The following CACNA1B variants were observed in gnomAD, a reference collection of about 807,000 sequenced individuals.
CACNA1B encodes voltage-dependent N-type calcium channel subunit alpha-1B.
Under a neutral mutation model 247.2 loss-of-function variants are expected in CACNA1B, and 70 were observed. The observed-to-expected ratio is 0.28, with a 90% CI of 0.23 to 0.35. The LOEUF (loss-of-function observed/expected upper bound fraction) is 0.35. CACNA1B is among the 10% of genes least tolerant of loss of function. CACNA1B has a pLI of 1.00. For synonymous variants in CACNA1B, 1,231 were observed against 1,294.4 expected (o/e 0.95, Z 1.05); for missense variants, 2,367 against 3,197.4 (o/e 0.74, Z 6.26).
At chr9:138,060,345 G>T (rs1344344117) in intron 31 of CACNA1B, among the ~76,000 whole-genome samples, 1 of 152,160 alleles carries the variant, frequency 6.6e-6, no homozygotes, top group South Asian at 2.1e-4. Flanking sequence ...AGAAGCAGAC[G>T]CAGACACGAG....
chr9:137,924,416 A>T (rs1166220928), intron 6 of CACNA1B, among the ~76,000 whole-genome samples: 1 of 146,376 alleles, frequency 6.8e-6, no homozygotes, highest in African/African-American at 2.6e-5. Context: ...TGTAGCTCCA[A>T]CACCCCTTGT....
Position 137,984,188 on chromosome 9 carries a change from A to G in CACNA1B, c.1707A>G (p.Gly569=), listed in dbSNP as rs1313870645. 2 of 1,605,614 alleles carry G rather than the reference A, an allele frequency of 1.2e-6. No individual in the cohort carries two copies. The highest frequency in any genetic ancestry group is 1.7e-6 in the Non-Finnish European group (2 of 1,176,450). ...TGGTCTGGGCGGCCATCAAGCCGGGAAGCTCCTTTGGGATCAGTGTGCTGC... is the reference window on the plus strand; with the variant it reads ...TGGTCTGGGCGGCCATCAAGCCGGGGAGCTCCTTTGGGATCAGTGTGCTGC... ...FEVVWAAIKP[G]SSFGISVLRA... is the part of the protein sequence containing the mutation. Residue 569 remains glycine (G), a synonymous_variant, in exon 13 of 47, where the codon GGA becomes GGG. Transcript: ENST00000371372.
chr9:137,928,919 G>A (rs1162838315), intron 6 of CACNA1B, among the ~76,000 whole-genome samples: 2 of 152,118 alleles, frequency 1.3e-5, no homozygotes, highest in Non-Finnish European at 2.9e-5. Flanking sequence ...GATGAAGCAA[G>A]TATTGGTATT....
intron 3 of CACNA1B, among the ~76,000 whole-genome samples, chr9:137,886,059 T>G (rs1957006207): frequency 6.6e-6 from 1 of 151,556 alleles, no homozygotes; most frequent in East Asian, 2.0e-4. Flanking sequence ...CTCTGCCTCC[T>G]TTCCAGGAGG....
At chr9:137,929,626 G>A (rs1331538590) in intron 6 of CACNA1B, among the ~76,000 whole-genome samples, 1 of 152,126 alleles carries the variant, frequency 6.6e-6, no homozygotes, top group African/African-American at 2.4e-5. Context: ...TGGTATTTCT[G>A]TTCAGTTTTG....
chr9:137,914,488 CTCT>C lies in CACNA1B; in HGVS notation c.623-165_623-163del, dbSNP rs1957390225. On this transcript the variant is annotated intron_variant, in intron 4 of 46. Transcript: ENST00000371372. The surrounding 1 kb of genome is among the most constrained non-coding windows in gnomAD (Gnocchi z 4.3). Reference sequence around the variant, plus strand: ...TGCCCTACACAAGCACTCTCTGCCCCTCTGCGCCTTAAGGGGCTTCAGCTCTAT... The same window carrying C: ...TGCCCTACACAAGCACTCTCTGCCCCGCGCCTTAAGGGGCTTCAGCTCTAT... Among the ~76,000 whole-genome samples the C allele has an allele frequency of 1.3e-5, 2 of 152,200 alleles. No individual in the cohort carries two copies. The highest frequency in any genetic ancestry group is 4.1e-4 in the South Asian group (2 of 4,832).
intron 20 of CACNA1B, among the ~76,000 whole-genome samples, chr9:138,031,606 G>A (rs1024143866): frequency 3.9e-5 from 6 of 152,198 alleles, no homozygotes; most frequent in Non-Finnish European, 8.8e-5. Flanking sequence ...AGGATATTCA[G>A]TCTCCAGCTG....
chr9:138,086,381 C>G (rs1265309866), intron 36 of CACNA1B, among the ~76,000 whole-genome samples: 1 of 150,820 alleles, frequency 6.6e-6, no homozygotes, highest in Non-Finnish European at 1.5e-5. Flanking sequence ...GAAAAGAAGC[C>G]CAGTGTGGTG....
intron 15 of CACNA1B, among the ~76,000 whole-genome samples, chr9:137,998,446 C>G (rs1360590429): frequency 1.3e-5 from 2 of 152,046 alleles, no homozygotes; most frequent in Non-Finnish European, 2.9e-5. Flanking sequence ...CCCATCTTTA[C>G]TAAAAATACG....
intron 3 of CACNA1B, among the ~76,000 whole-genome samples, chr9:137,897,981 C>A (rs1437572790): frequency 6.6e-6 from 1 of 152,080 alleles, no homozygotes; most frequent in African/African-American, 2.4e-5. Context: ...AGATAAATTT[C>A]TTTAATTATT....
intron 39 of CACNA1B, among the ~76,000 whole-genome samples, chr9:138,107,427 G>C (rs1289123635): frequency 6.6e-6 from 1 of 151,830 alleles, no homozygotes; most frequent in Non-Finnish European, 1.5e-5. Context: ...ATATTTTTTA[G>C]AGATGGGGGT....
intron 10 of CACNA1B, among the ~76,000 whole-genome samples, chr9:137,959,134 G>A (rs1460624975): frequency 6.6e-6 from 1 of 152,006 alleles, no homozygotes; most frequent in Non-Finnish European, 1.5e-5. Flanking sequence ...GTGCAATGGT[G>A]CAATCTCGGC....
In CACNA1B at chr9:138,058,718, G is replaced by A. The variant is rs1959605615; in HGVS notation, c.4458G>A (p.Val1486=). ...TGGCCATGATAGCCCTCAACACTGTGGTGCTGATGATGAAGGTGTGTGGGG... is the reference window on the plus strand; with the variant it reads ...TGGCCATGATAGCCCTCAACACTGTAGTGCTGATGATGAAGGTGTGTGGGG... ...FIMAMIALNT[V]VLMMKFYDAP... Residue 1486 remains valine, a synonymous_variant, in exon 29 of 47, where the codon GTG becomes GTA. Coordinates refer to ENST00000371372, the MANE Select transcript of CACNA1B (RefSeq NM_000718.4). The surrounding 1 kb of genome is among the most constrained non-coding windows in gnomAD (Gnocchi z 4.7). 6.2e-7 allele frequency: 1 copy of A among 1,606,608 alleles called. No individual in the cohort carries two copies. The highest frequency in any genetic ancestry group is 1.3e-5 in the African/African-American group (1 of 74,796).
In CACNA1B at chr9:137,913,647, T is replaced by G. The variant is rs1042063984; in HGVS notation, c.622+376T>G. Among the ~76,000 whole-genome samples the G allele has an allele frequency of 6.9e-6, 1 of 145,704 alleles. No homozygotes were observed. Among genetic ancestry groups the G allele is most frequent in the Admixed American group, 6.7e-5 (1 of 14,916 alleles). On this transcript the variant is annotated intron_variant, in intron 4 of 46. Coordinates refer to ENST00000371372, the MANE Select transcript of CACNA1B (RefSeq NM_000718.4). This position sits in a 1 kb window ranked among gnomAD's most constrained non-coding sequence, Gnocchi z 5.2. ...ATGTGCAAAAGCTGCAAAGGGCCAC[T>G]TGTCTCTTGGCTCAGTCTTGTCAGG...
intron 24 of CACNA1B, 51 bp downstream of exon 24, chr9:138,049,366 T>C (rs370744631): frequency 8.6e-7 from 1 of 1,167,904 alleles, no homozygotes. Context: ...AGAATCACGA[T>C]GGGCGTGAGG....
In CACNA1B at chr9:138,100,182, G is replaced by A. The variant is rs550807356; in HGVS notation, c.5223-2529G>A. ...ATGGATTGAGCTGGGGATGGGAGGT[G>A]GGGCAGAGGGAAGAGGGAGGCCAGG... On this transcript the variant is annotated intron_variant, in intron 37 of 46. Transcript: ENST00000371372. This position sits in a 1 kb window ranked among gnomAD's most constrained non-coding sequence, Gnocchi z 4.6. 3.6e-4 allele frequency among the ~76,000 whole-genome samples: 55 copies of A among 152,366 alleles called. No homozygotes were observed. The highest frequency in any genetic ancestry group is 1.3e-3 in the African/African-American group (53 of 41,590).
Position 137,955,780 on chromosome 9 carries a change from C to G in CACNA1B, c.1153C>G (p.Leu385Val), listed in dbSNP as rs759775042. 2.0e-5 allele frequency: 32 copies of G among 1,611,358 alleles called. No individual in the cohort carries two copies. Among genetic ancestry groups the G allele is most frequent in the Non-Finnish European group, 2.7e-5 (32 of 1,178,812 alleles). Residue 385 changes from leucine (L) to valine (V), a missense_variant, in exon 8 of 47, where the codon CTC (leucine) becomes GTC (valine). Transcript: ENST00000371372. The surrounding 1 kb of genome is among the most constrained non-coding windows in gnomAD (Gnocchi z 6.9). The part of the protein sequence containing the change: ...LRRQQQIERE[L>V]NGYLEWIFKA... ...CCGGCAGCAGCAGATCGAGCGAGAGCTCAACGGGTACCTGGAGTGGATCTT... is the reference window on the plus strand; with the variant it reads ...CCGGCAGCAGCAGATCGAGCGAGAGGTCAACGGGTACCTGGAGTGGATCTT...
At chr9:138,076,734 G>T (rs980692034) in intron 35 of CACNA1B, among the ~76,000 whole-genome samples, 3 of 152,222 alleles carry the variant, frequency 2.0e-5, no homozygotes, top group Non-Finnish European at 4.4e-5. Flanking sequence ...ACGAGCCTAG[G>T]ACAGAAGGAA....
intron 34 of CACNA1B, among the ~76,000 whole-genome samples, chr9:138,074,611 T>C (rs1444816157): frequency 6.6e-6 from 1 of 152,252 alleles, no homozygotes; most frequent in Non-Finnish European, 1.5e-5. Context: ...ATTGGGCTGC[T>C]TGCCCAGGGC....
Sources: allele counts gnomAD v4.1 joint callset (sites outside exome capture counted in the v4.1 genomes callset), GRCh38; gene constraint gnomAD v4.1.1; non-coding constraint Gnocchi (gnomAD v3.1); transcripts MANE v1.5; gene names NCBI Gene and HGNC (gene_info 2026-07-23, HGNC 2026-07-21).